Variants in LPP observed in about 807,000 individuals in gnomAD.
LPP encodes LIM domain containing preferred translocation partner in lipoma.
Under a neutral mutation model 60.4 loss-of-function variants are expected in LPP, and 38 were observed. That is an observed-to-expected ratio of 0.63 (90% CI 0.49 to 0.83). LPP has a LOEUF of 0.83. Among genes scored for constraint, LPP ranks in the 40% least tolerant of loss-of-function variants. The pLI is 0.00. For missense variants in LPP, 902 were observed against 783.6 expected, an observed-to-expected ratio of 1.15 and a Z score of -1.80; for synonymous variants, 328 against 290.8, an observed-to-expected ratio of 1.13 and a Z score of -1.30.
chr3:188,276,652 C>T (rs13065979), intron 2 of LPP, among the ~76,000 whole-genome samples: 64,277 of 149,530 alleles, frequency 0.43, 14,622 homozygotes, highest in Middle Eastern at 0.59. Context: ...GTGTGGCACC[C>T]CCCACCCTCC....
chr3:188,506,496 T>C (rs1316696130), intron 5 of LPP, among the ~76,000 whole-genome samples: 1 of 152,196 alleles, frequency 6.6e-6, no homozygotes, highest in African/African-American at 2.4e-5. Context: ...TAAGCCAGAA[T>C]CATAAAATAA....
intron 6 of LPP, among the ~76,000 whole-genome samples, chr3:188,581,775 A>C (rs1836215690): frequency 6.6e-6 from 1 of 151,994 alleles, no homozygotes; most frequent in Non-Finnish European, 1.5e-5. Flanking sequence ...ACAACCCCTC[A>C]TTCTTCCAGC....
intron 7 of LPP, among the ~76,000 whole-genome samples, chr3:188,623,284 G>C (rs1259833625): frequency 7.0e-6 from 1 of 143,524 alleles, no homozygotes; most frequent in Admixed American, 7.1e-5. Context: ...TTGAAAGAGA[G>C]CGTCACTCTA....
intron 9 of LPP, among the ~76,000 whole-genome samples, chr3:188,834,034 A>G (rs940624747): frequency 6.6e-5 from 10 of 152,150 alleles, no homozygotes; most frequent in Non-Finnish European, 1.2e-4. Flanking sequence ...ATTAAAACCA[A>G]AATCTTCCAC....
chr3:188,582,688 G>T (rs1836528568), intron 6 of LPP, among the ~76,000 whole-genome samples: 1 of 152,164 alleles, frequency 6.6e-6, no homozygotes, highest in African/African-American at 2.4e-5. Context: ...GCATTTGGAT[G>T]TATTGCAGAA....
At chr3:188,239,996 G>A (rs1175765694) in intron 2 of LPP, 2 of 196,600 alleles carry the variant, frequency 1.0e-5, no homozygotes, top group Non-Finnish European at 2.1e-5. Flanking sequence ...GCCCAGAGAA[G>A]TAAAATGAGT....
At chr3:188,772,014 T>G (rs17672589) in intron 9 of LPP, among the ~76,000 whole-genome samples, 9,125 of 152,290 alleles carry the variant, frequency 0.06, 297 homozygotes, top group Middle Eastern at 0.068. Context: ...GACAGGAACT[T>G]TGCATCTTTT....
At chr3:188,761,698 A>G (rs928836874) in intron 9 of LPP, among the ~76,000 whole-genome samples, 1 of 152,194 alleles carries the variant, frequency 6.6e-6, no homozygotes, top group African/African-American at 2.4e-5. Flanking sequence ...ATTTTCCTAA[A>G]CATAAAGATA....
chr3:188,556,362 A>G (rs1829459094), intron 6 of LPP, among the ~76,000 whole-genome samples: 1 of 152,044 alleles, frequency 6.6e-6, no homozygotes, highest in Admixed American at 6.6e-5. Flanking sequence ...TTACTTTTGA[A>G]AGGAAAGAAA....
chr3:188,690,366 T>C (rs1443472101), intron 7 of LPP, among the ~76,000 whole-genome samples: 1 of 152,222 alleles, frequency 6.6e-6, no homozygotes, highest in East Asian at 1.9e-4. Flanking sequence ...CTTCTTAGTA[T>C]GCCACAGTAA....
At chr3:188,740,837 T>C (rs930812704) in intron 8 of LPP, among the ~76,000 whole-genome samples, 2 of 152,020 alleles carry the variant, frequency 1.3e-5, no homozygotes, top group Non-Finnish European at 2.9e-5. Context: ...ATGGGTTCCA[T>C]CAAAAGTCAG....
At chr3:188,503,493 GCGTC>G (rs1812528151) in intron 5 of LPP, among the ~76,000 whole-genome samples, 2 of 152,086 alleles carry the variant, frequency 1.3e-5, no homozygotes, top group South Asian at 2.1e-4. Context: ...GCTCTTATAA[GCGTC>G]TGCCTATTTG....
chr3:188,447,396 G>C (rs1030897877), intron 4 of LPP, among the ~76,000 whole-genome samples: 2 of 152,090 alleles, frequency 1.3e-5, no homozygotes, highest in Non-Finnish European at 2.9e-5. Context: ...AGGATCATGA[G>C]GTCAGGAGAT....
At chr3:188,825,456 A>G (rs371859866) in intron 9 of LPP, among the ~76,000 whole-genome samples, 1 of 152,054 alleles carries the variant, frequency 6.6e-6, no homozygotes, top group Non-Finnish European at 1.5e-5. Flanking sequence ...AGTTGGGTGT[A>G]TATACTGCTA....
chr3:188,504,079 G>T (rs148844229), intron 5 of LPP, among the ~76,000 whole-genome samples: 2 of 152,072 alleles, frequency 1.3e-5, no homozygotes, highest in Non-Finnish European at 2.9e-5. Flanking sequence ...TGCATACTTT[G>T]GTATAGTTGA....
intron 5 of LPP, among the ~76,000 whole-genome samples, chr3:188,523,513 G>T (rs80032194): frequency 0.011 from 1,730 of 152,292 alleles, 34 homozygotes; most frequent in African/African-American, 0.04. Context: ...TACCCTTTAC[G>T]CTTGCTTCAA....
At chr3:188,652,062 C>T (rs1852205387) in intron 7 of LPP, among the ~76,000 whole-genome samples, 1 of 152,140 alleles carries the variant, frequency 6.6e-6, no homozygotes, top group East Asian at 1.9e-4. Context: ...ACAGGACTGT[C>T]CCCTTAAATC....
chr3:188,867,636 G>T (rs1406104930), intron 10 of LPP, among the ~76,000 whole-genome samples: 1 of 152,080 alleles, frequency 6.6e-6, no homozygotes, highest in Non-Finnish European at 1.5e-5. Context: ...GAACCACTGT[G>T]CCCAGCCAAC....
At chr3:188,449,685 T>A (rs531570774) in intron 4 of LPP, among the ~76,000 whole-genome samples, 1 of 152,208 alleles carries the variant, frequency 6.6e-6, no homozygotes, top group Non-Finnish European at 1.5e-5. Context: ...TACTTTGTCC[T>A]TGTGCCTTTA....
Sources: gnomAD v4.1 joint callset for allele counts (sites outside exome capture counted in the v4.1 genomes callset) on GRCh38, gnomAD v4.1.1 for gene constraint, MANE v1.5 for transcripts, NCBI Gene and HGNC (gene_info 2026-07-23, HGNC 2026-07-21) for gene names.